The following PPARGC1A variants were observed in gnomAD, a reference collection of about 807,000 sequenced individuals.
PPARGC1A encodes the protein PPARG coactivator 1 alpha, also known as peroxisome proliferator-activated receptor gamma coactivator 1-alpha.
PPARGC1A carries 25 observed loss-of-function variants against 88.7 expected under a neutral mutation model. The ratio of observed to expected loss-of-function variants is 0.28; its 90% CI spans 0.21 to 0.39. The LOEUF is 0.39. Among genes scored for constraint, PPARGC1A ranks in the 10% least tolerant of loss-of-function variants. The probability of loss-of-function intolerance (pLI) is 1.00; values close to 1 mark genes in which losing one functional copy is unlikely to be tolerated. For missense variants in PPARGC1A, 880 were observed against 968.7 expected (o/e 0.91, Z 1.22); for synonymous variants, 363 against 355.6 (o/e 1.02, Z -0.24).
At chr4:24,433,239 C>T in the PPARGC1A span, among the ~76,000 whole-genome samples, 17 of 152,160 alleles carry the variant, frequency 1.1e-4, no homozygotes, top group African/African-American at 4.1e-4. Flanking sequence ...TAGTCTTAGT[C>T]TATAGCAACA....
chr4:24,444,886 C>T, the PPARGC1A span, among the ~76,000 whole-genome samples: 18 of 152,110 alleles, frequency 1.2e-4, no homozygotes, highest in South Asian at 3.5e-3. Flanking sequence ...AACCCTGTCT[C>T]TAGAAAAGTT....
chr4:24,261,885 C>T, the PPARGC1A span, among the ~76,000 whole-genome samples: 2 of 152,142 alleles, frequency 1.3e-5, no homozygotes, highest in Non-Finnish European at 2.9e-5. Flanking sequence ...TCTCTGAATA[C>T]AATCAGATAC....
At chr4:24,427,822 C>T in the PPARGC1A span, among the ~76,000 whole-genome samples, 1 of 152,068 alleles carries the variant, frequency 6.6e-6, no homozygotes, top group African/African-American at 2.4e-5. Flanking sequence ...AAGAATTATC[C>T]AGCGCTGGCC....
Position 23,813,959 on chromosome 4 carries a change from A to C in PPARGC1A, c.1524T>G (p.Asp508Glu), listed in dbSNP as rs1721440639. 1 of 1,614,136 alleles carries C rather than the reference A, an allele frequency of 6.2e-7. No homozygotes were observed. The highest frequency in any genetic ancestry group is 8.5e-7 in the Non-Finnish European group (1 of 1,179,992). The change falls in exon 8 of 13, where the codon GAT becomes GAG. Residue 508 changes from aspartate (D) to glutamate (E), a missense_variant. By Grantham distance (45) the Asp-to-Glu change is conservative. Coordinates refer to ENST00000264867, the MANE Select transcript of PPARGC1A (RefSeq NM_013261.5). Reference protein sequence around the residue: ...PMFINSGLAMDGLFDDSEDES... With the variant: ...PMFINSGLAMEGLFDDSEDES... The stretch of plus-strand genomic sequence containing the variant: ...CATCTTCGCTGTCATCAAACAGGCC[A>C]TCCATGGCTAGTCCTGAATTTATAA...
At chr4:23,912,415 C>T in the PPARGC1A span, among the ~76,000 whole-genome samples, 3 of 152,190 alleles carry the variant, frequency 2.0e-5, no homozygotes, top group Non-Finnish European at 2.9e-5. Flanking sequence ...TGAGACAATA[C>T]AACTGATTCT....
the PPARGC1A span, among the ~76,000 whole-genome samples, chr4:24,260,682 C>T: frequency 7.3e-3 from 1,105 of 151,792 alleles, 7 homozygotes; most frequent in African/African-American, 0.025. Context: ...TCACATATGC[C>T]TCTCCTATAC....
the PPARGC1A span, among the ~76,000 whole-genome samples, chr4:23,982,547 G>T: frequency 3.9e-5 from 6 of 152,250 alleles, no homozygotes; most frequent in South Asian, 1.0e-3. Flanking sequence ...TCTATAGTGG[G>T]CAGTGTGAGC....
At chr4:23,861,899 A>T (rs1731275717) in intron 2 of PPARGC1A, among the ~76,000 whole-genome samples, 1 of 152,226 alleles carries the variant, frequency 6.6e-6, no homozygotes, top group South Asian at 2.1e-4. Flanking sequence ...TGAATTTAGT[A>T]TGAAGACATG....
chr4:24,001,536 A>G, the PPARGC1A span, among the ~76,000 whole-genome samples: 2 of 152,194 alleles, frequency 1.3e-5, no homozygotes, highest in African/African-American at 4.8e-5. Context: ...ATCCCAGCAG[A>G]AATAGTGTAT....
the PPARGC1A span, among the ~76,000 whole-genome samples, chr4:24,089,817 C>T: frequency 2.0e-5 from 3 of 152,108 alleles, no homozygotes; most frequent in Non-Finnish European, 4.4e-5. Context: ...GCCTAGGACG[C>T]CTTTTTTCTA....
At chr4:24,431,124 C>CAAAAAAAA in the PPARGC1A span, among the ~76,000 whole-genome samples, 1 of 72,556 alleles carries the variant, frequency 1.4e-5, no homozygotes, top group Non-Finnish European at 2.8e-5. Context: ...GACTCCATCT[C>CAAAAAAAA]AAAAAAAAAA....
At chr4:23,865,743 T>C (rs759863994) in intron 2 of PPARGC1A, among the ~76,000 whole-genome samples, 1 of 152,176 alleles carries the variant, frequency 6.6e-6, no homozygotes, top group Non-Finnish European at 1.5e-5. Context: ...GCCTCACAGG[T>C]AGCATCTGCG....
intron 2 of PPARGC1A, among the ~76,000 whole-genome samples, chr4:23,873,221 A>AAAAAAAAAAAAAAAG (rs1297257881): frequency 2.1e-5 from 3 of 142,420 alleles, no homozygotes; most frequent in African/African-American, 8.1e-5. Flanking sequence ...AAAAAATAAA[A>AAAAAAAAAAAAAAAG]AATAAAGAAA....
the PPARGC1A span, among the ~76,000 whole-genome samples, chr4:24,131,075 T>C: frequency 1.3e-5 from 2 of 152,226 alleles, no homozygotes; most frequent in Admixed American, 6.5e-5. Context: ...ACAGCACTTC[T>C]TTACTGATAT....
At chr4:24,194,931 G>A in the PPARGC1A span, among the ~76,000 whole-genome samples, 2 of 152,082 alleles carry the variant, frequency 1.3e-5, no homozygotes, top group African/African-American at 2.4e-5. Flanking sequence ...ATCAAAACTA[G>A]CATTCTTCCT....
chr4:23,899,974 G>A (rs932518346), upstream of PPARGC1A, among the ~76,000 whole-genome samples: 2 of 150,150 alleles, frequency 1.3e-5, no homozygotes, highest in Non-Finnish European at 3.0e-5. Context: ...AGAAATAAAT[G>A]TTTCTATACC....
chr4:24,387,874 A>AAGAGAGAAAG, the PPARGC1A span, among the ~76,000 whole-genome samples: 1 of 99,016 alleles, frequency 1.0e-5, no homozygotes, highest in African/African-American at 3.7e-5. Context: ...GAAAGGAAGA[A>AAGAGAGAAAG]AGAGAAAGAA....
upstream of PPARGC1A, among the ~76,000 whole-genome samples, chr4:23,908,290 A>G (rs188669189): frequency 0.022 from 3,413 of 152,158 alleles, 115 homozygotes; most frequent in African/African-American, 0.077. Flanking sequence ...AAATGCAGTA[A>G]TTTCTCACTC....
At chr4:24,167,050 T>C in the PPARGC1A span, among the ~76,000 whole-genome samples, 1 of 152,196 alleles carries the variant, frequency 6.6e-6, no homozygotes, top group East Asian at 1.9e-4. Context: ...GCAAAGTAAA[T>C]TGAAAACCTT....
Sources: allele counts gnomAD v4.1 joint callset (sites outside exome capture counted in the v4.1 genomes callset), GRCh38; gene constraint gnomAD v4.1.1; transcripts MANE v1.5; gene names NCBI Gene and HGNC (gene_info 2026-07-23, HGNC 2026-07-21).